Variants in TRAPPC12 observed in about 807,000 individuals in gnomAD.
TRAPPC12 encodes trafficking protein particle complex subunit 12.
Under a neutral mutation model 69.2 loss-of-function variants are expected in TRAPPC12, and 61 were observed. The ratio of observed to expected loss-of-function variants is 0.88; its 90% CI spans 0.72 to 1.09. The LOEUF is 1.09. TRAPPC12 is among the 50% of genes least tolerant of loss of function. The probability of loss-of-function intolerance (pLI) is 0.00; values close to 1 mark genes in which losing one functional copy is unlikely to be tolerated. For synonymous variants in TRAPPC12, 469 were observed against 438.9 expected, an observed-to-expected ratio of 1.07 and a Z score of -0.86; for missense variants, 1,101 against 1,016.4, an observed-to-expected ratio of 1.08 and a Z score of -1.13.
intron 2 of TRAPPC12, among the ~76,000 whole-genome samples, chr2:3,401,052 G>A (rs1390609258): frequency 6.6e-6 from 1 of 152,228 alleles, no homozygotes; most frequent in East Asian, 1.9e-4. Flanking sequence ...AGAGGAGTCA[G>A]GTCAGGAGTA....
intron 8 of TRAPPC12, among the ~76,000 whole-genome samples, chr2:3,463,682 G>T (rs149293454): frequency 6.6e-6 from 1 of 151,628 alleles, no homozygotes; most frequent in Non-Finnish European, 1.5e-5. Flanking sequence ...CCCCCACCAC[G>T]CCCCCACCCT....
At chr2:3,465,467 TC>T in intron 8 of TRAPPC12, 129 bp from the exon 9 acceptor site, 4 of 658,388 alleles carry the variant, frequency 6.1e-6, no homozygotes, top group South Asian at 5.9e-5. Context: ...GTTTCCAGCT[TC>T]CCCGCCAGCT....
Position 3,403,155 on chromosome 2 carries a change from A to G in TRAPPC12, c.1164+1262A>G, listed in dbSNP as rs148215764. Reference sequence around the variant, plus strand: ...GAGAATGGAATTTCCTAATTTACTTATTTTTCTAATAGTTCCCCATCTTGT... The same window carrying G: ...GAGAATGGAATTTCCTAATTTACTTGTTTTTCTAATAGTTCCCCATCTTGT... On this transcript the variant is annotated intron_variant, in intron 3 of 11. Coordinates refer to ENST00000324266, the MANE Select transcript of TRAPPC12 (RefSeq NM_016030.6). 1.1e-4 allele frequency among the ~76,000 whole-genome samples: 17 copies of G among 149,538 alleles called. No individual in the cohort carries two copies. The East Asian group carries it at 3.2e-3, about 28-fold the overall frequency.
chr2:3,452,645 C>T (rs940338059), intron 6 of TRAPPC12, among the ~76,000 whole-genome samples: 8 of 152,234 alleles, frequency 5.3e-5, no homozygotes, highest in African/African-American at 1.9e-4. Context: ...CCTTCAACCT[C>T]CAGGCACCTT....
chr2:3,445,598 T>C (rs1664463553), intron 6 of TRAPPC12, among the ~76,000 whole-genome samples: 2 of 152,210 alleles, frequency 1.3e-5, no homozygotes, highest in African/African-American at 4.8e-5. Flanking sequence ...TTAATCCTTA[T>C]CACAACCCTA....
intron 2 of TRAPPC12, among the ~76,000 whole-genome samples, chr2:3,394,483 T>C (rs1661004759): frequency 6.6e-6 from 1 of 152,080 alleles, no homozygotes; most frequent in Non-Finnish European, 1.5e-5. Context: ...CAGCCGGACG[T>C]GGTGGTGCAC....
At chr2:3,451,810 G>A (rs1664864914) in intron 6 of TRAPPC12, among the ~76,000 whole-genome samples, 1 of 152,154 alleles carries the variant, frequency 6.6e-6, no homozygotes, top group Non-Finnish European at 1.5e-5. Context: ...CTATAAGCGT[G>A]AGCCACCATG....
At chr2:3,382,864 G>A (rs1027966065) in intron 1 of TRAPPC12, among the ~76,000 whole-genome samples, 2 of 152,204 alleles carry the variant, frequency 1.3e-5, no homozygotes, top group African/African-American at 4.8e-5. Context: ...GATCGAGGCT[G>A]CAGTAAGCCA....
chr2:3,401,911 T>G lies in TRAPPC12; in HGVS notation c.1164+18T>G, dbSNP rs1031780954. 8.6e-6 allele frequency: 13 copies of G among 1,508,156 alleles called. No individual in the cohort carries two copies. In the African/African-American group the frequency reaches 1.5e-4, roughly 18 times the overall value. 93.4% of individuals were successfully genotyped at this position (1,508,156 alleles called of 1,614,324 possible). A position where few individuals can be genotyped will look rare whatever the true frequency, so the allele number is the denominator to read the frequency against. ...AGCTAATCGTAAGTGACAATGTGTT[T>G]GATTTCAGTGTTGTTTTGTGATAAG... On this transcript the variant is annotated intron_variant, in intron 3 of 11. Transcript: ENST00000324266.
chr2:3,426,478 C>T (rs1400994437), intron 5 of TRAPPC12, among the ~76,000 whole-genome samples: 1 of 152,234 alleles, frequency 6.6e-6, no homozygotes, highest in Non-Finnish European at 1.5e-5. Context: ...AGGAACAGAC[C>T]AAAGCCAGGA....
intron 2 of TRAPPC12, among the ~76,000 whole-genome samples, chr2:3,393,475 G>A (rs758541304): frequency 1.3e-5 from 2 of 151,988 alleles, no homozygotes; most frequent in African/African-American, 2.4e-5. Flanking sequence ...TTTGATGAGA[G>A]CAGATTTTAA....
intron 6 of TRAPPC12, chr2:3,455,678 G>A (rs937321293): frequency 2.6e-5 from 4 of 152,222 alleles, no homozygotes; most frequent in African/African-American, 4.8e-5. Flanking sequence ...GTAAATGACA[G>A]GATACCATTC....
chr2:3,438,564 C>T (rs113328492), intron 5 of TRAPPC12, among the ~76,000 whole-genome samples: 16,018 of 139,350 alleles, frequency 0.11, 1,073 homozygotes, highest in Middle Eastern at 0.24. Context: ...ATTGATCCCC[C>T]CTCACCCCTG....
intron 2 of TRAPPC12, among the ~76,000 whole-genome samples, chr2:3,392,525 T>TAAAC (rs1384979147): frequency 5.3e-5 from 8 of 152,244 alleles, no homozygotes; most frequent in Admixed American, 4.6e-4. Flanking sequence ...CTCTTTGTCT[T>TAAAC]ATGTTGTATT....
chr2:3,469,402 G>C lies in TRAPPC12; in HGVS notation c.1776+3707G>C, dbSNP rs181574453. Among the ~76,000 whole-genome samples the C allele has an allele frequency of 5.9e-5, 9 of 152,322 alleles. No individual in the cohort carries two copies. In the East Asian group the frequency reaches 1.3e-3, roughly 23 times the overall value. ...CCTCAAATGGTAAAATAATACTGCA[G>C]GTGCTTAGAAAGTACGGGACGAGGT... On this transcript the variant is annotated intron_variant, in intron 9 of 11. Coordinates refer to ENST00000324266, the MANE Select transcript of TRAPPC12 (RefSeq NM_016030.6).
chr2:3,432,256 C>T (rs975272020), intron 5 of TRAPPC12, among the ~76,000 whole-genome samples: 3 of 152,158 alleles, frequency 2.0e-5, no homozygotes, highest in African/African-American at 7.2e-5. Context: ...GAACTTAATC[C>T]GTGCGGATTA....
intron 3 of TRAPPC12, chr2:3,421,602 G>A (rs1438082299): frequency 4.6e-6 from 3 of 651,772 alleles, no homozygotes; most frequent in East Asian, 3.1e-5. Context: ...GCCTCTTCCC[G>A]ATGTTCTATC....
chr2:3,423,576 TGTAA>T (rs1662940303), intron 4 of TRAPPC12, among the ~76,000 whole-genome samples: 1 of 151,084 alleles, frequency 6.6e-6, no homozygotes, highest in Non-Finnish European at 1.5e-5. Flanking sequence ...AGATTCCATG[TGTAA>T]GTGAGGTCAC....
intron 6 of TRAPPC12, among the ~76,000 whole-genome samples, chr2:3,451,603 A>G (rs1175285014): frequency 2.0e-5 from 3 of 151,962 alleles, no homozygotes; most frequent in Admixed American, 6.6e-5. Context: ...GGCTCACTGC[A>G]GCCTTGACCT....
Sources: allele counts gnomAD v4.1 joint callset (sites outside exome capture counted in the v4.1 genomes callset), GRCh38; gene constraint gnomAD v4.1.1; transcripts MANE v1.5; gene names NCBI Gene and HGNC (gene_info 2026-07-23, HGNC 2026-07-21).